The following NOX5 variants were observed in gnomAD, a reference collection of about 807,000 sequenced individuals.
NOX5 encodes the protein NADPH oxidase 5.
In NOX5, 76 loss-of-function variants were observed where a neutral mutation model predicts 85.7. The observed-to-expected ratio is 0.89, with a 90% confidence interval of 0.74 to 1.07. The LOEUF is 1.07. NOX5 is among the 50% of genes least tolerant of loss of function. The pLI, the probability that NOX5 is intolerant of heterozygous loss-of-function variation, is 0.00. For missense variants in NOX5, 973 were observed against 999.5 expected (o/e 0.97, Z 0.36); for synonymous variants, 405 against 401.4 (o/e 1.01, Z -0.11).
At chr15:69,049,756 C>T (rs1031012520) in intron 14 of NOX5, among the ~76,000 whole-genome samples, 1 of 152,164 alleles carries the variant, frequency 6.6e-6, no homozygotes, top group Non-Finnish European at 1.5e-5. Context: ...GAGTCAGGCT[C>T]AGGGATGTAC....
chr15:69,045,571 C>CTT (rs1567105211), intron 10 of NOX5, among the ~76,000 whole-genome samples: 35 of 7,480 alleles, frequency 4.7e-3, no homozygotes, highest in African/African-American at 0.012. Flanking sequence ...TTTCTTTCTT[C>CTT]CCTTTCTTTC....
At position 69,035,282 on chromosome 15, in the gene NOX5, G is replaced by A; in HGVS notation, c.856-72G>A. 3 of 1,517,984 alleles carry A rather than the reference G, an allele frequency of 2.0e-6. No homozygotes were observed. The South Asian group carries it at 3.8e-5, about 19-fold the overall frequency. The allele number at this position is 1,517,984 out of a possible 1,614,324, so 94.0% of individuals were successfully genotyped here. A position where few individuals can be genotyped will look rare whatever the true frequency, so the allele number is the denominator to read the frequency against. ...GCACAGCTAGCTCAGGAGGATGCAG[G>A]GAGGTGGCTGGGAAAAGAGGACAAG... On this transcript the variant is annotated intron_variant, in intron 5 of 15. Coordinates refer to ENST00000388866, the MANE Select transcript of NOX5 (RefSeq NM_024505.4).
At chr15:69,032,881 C>T (rs2050456532) in intron 4 of NOX5, among the ~76,000 whole-genome samples, 162 bp from the exon 5 acceptor site, 1 of 152,158 alleles carries the variant, frequency 6.6e-6, no homozygotes, top group African/African-American at 2.4e-5. Context: ...CGGAGCTGTG[C>T]GACTGTGACC....
In NOX5 at chr15:69,035,918, C is replaced by T. The variant is rs748464912; in HGVS notation, c.1170C>T (p.Arg390=). 30 of 1,614,074 alleles carry T rather than the reference C, an allele frequency of 1.9e-5. No individual in the cohort carries two copies. Among genetic ancestry groups the T allele is most frequent in the Middle Eastern group, 1.6e-4 (1 of 6,084 alleles). Residue 390 remains arginine (R), a synonymous_variant, in exon 7 of 16, where the codon CGC becomes CGT. Coordinates refer to ENST00000388866, the MANE Select transcript of NOX5 (RefSeq NM_024505.4). ...LMFICSSSCI[R]RSGHFEVFYW... ...TCATCTGCTCCAGTTCCTGCATCCG[C>T]AGGAGTGGCCACTTTGAGGTGCCCC...
intron 4 of NOX5, among the ~76,000 whole-genome samples, 174 bp from the exon 5 acceptor site, chr15:69,032,869 C>A (rs2050456314): frequency 1.3e-5 from 2 of 152,178 alleles, no homozygotes; most frequent in African/African-American, 4.8e-5. Flanking sequence ...CTTTCAGCTC[C>A]GCGGAGCTGT....
intron 10 of NOX5, chr15:69,045,888 CA>C (rs2050667492): frequency 6.6e-6 from 1 of 152,242 alleles, no homozygotes; most frequent in Non-Finnish European, 1.5e-5. Flanking sequence ...TGCCCCACAC[CA>C]GGGGGAGCAG....
intron 1 of NOX5, chr15:69,023,014 T>C (rs113678926): frequency 2.0e-6 from 1 of 498,520 alleles, no homozygotes; most frequent in African/African-American, 2.0e-5. Context: ...CAAAGAGGAA[T>C]GTTCCATGGG....
rs531415354 is a variant in NOX5 at position 69,055,361 on chromosome 15, T to G, written c.2027T>G (p.Met676Arg). The change falls in exon 15 of 16, where the codon ATG becomes AGG. Residue 676 changes from methionine to arginine, a missense_variant. Physicochemically the swap from Met to Arg is moderately conservative, Grantham distance 91. Transcript: ENST00000388866. ...YGRFLELHMY[M>R]TSALGKNDMK... The stretch of plus-strand genomic sequence containing the variant: ...CGCTTCCTGGAGCTGCATATGTACA[T>G]GACATCTGCACTGGGCAAGAATGAC... The G allele has an allele frequency of 2.1e-5, 34 of 1,614,188 alleles. No homozygotes were observed. In the Admixed American group the frequency reaches 5.2e-4, roughly 25 times the overall value.
chr15:69,035,736 A>AC, intron 6 of NOX5, 22 bp from the exon 7 acceptor site: 1 of 1,609,744 alleles, frequency 6.2e-7, no homozygotes, highest in South Asian at 1.1e-5. Context: ...CAGTCACTCA[A>AC]CCTTTCTGAG....
intron 14 of NOX5, among the ~76,000 whole-genome samples, chr15:69,050,390 G>T (rs1264228076): frequency 6.6e-6 from 1 of 152,158 alleles, no homozygotes; most frequent in East Asian, 1.9e-4. Flanking sequence ...TGTAATGCAG[G>T]TCTGCTGGTG....
rs1310726062 is a variant in NOX5, at chr15:69,049,044, AG to A, written c.1987del (p.Glu663ArgfsTer14). 1 of 1,611,720 alleles carries A rather than the reference AG, an allele frequency of 6.2e-7. No individual in the cohort carries two copies. The highest frequency in any genetic ancestry group is 8.5e-7 in the Non-Finnish European group (1 of 1,179,172). ...ACTAAACTGGAGATGGACCAGGCCG[AG>A]GAGGCTCAATACGGTAAGAGAGGGA... ...LLTKLEMDQAEEAQYGRFLEL... is the reference protein window; with the variant it reads ...LLTKLEMDQAXEAQYGRFLEL... On this transcript the variant is annotated frameshift_variant, in exon 14 of 16. Transcript: ENST00000388866. LOFTEE classifies it high-confidence loss of function.
Position 69,017,179 on chromosome 15 carries a change from C to T in NOX5, c.50+2394C>T, listed in dbSNP as rs187068477. ...TATTTATTTATTTTCTGAGACAGAG[C>T]CTCACTCTGTCACCCAGGCTGGAGT... On this transcript the variant is annotated intron_variant, in intron 1 of 15. Coordinates refer to ENST00000388866, the MANE Select transcript of NOX5 (RefSeq NM_024505.4). Among the ~76,000 whole-genome samples, 356 of 151,874 alleles carry T rather than the reference C, an allele frequency of 2.3e-3. 4 individuals are homozygous for T. Among genetic ancestry groups the T allele is most frequent in the African/African-American group, 8.4e-3 (349 of 41,388 alleles).
intron 14 of NOX5, among the ~76,000 whole-genome samples, chr15:69,050,530 A>G (rs550062284): frequency 1.3e-5 from 2 of 152,294 alleles, no homozygotes; most frequent in African/African-American, 4.8e-5. Flanking sequence ...AGCTGGGATT[A>G]CAAGCGCCCG....
In NOX5 at chr15:69,049,005, T is replaced by A. The variant is rs779803473; in HGVS notation, c.1946T>A (p.Phe649Tyr). Residue 649 changes from phenylalanine (F) to tyrosine (Y), a missense_variant, in exon 14 of 16, where the codon TTT becomes TAT. Coordinates refer to ENST00000388866, the MANE Select transcript of NOX5 (RefSeq NM_024505.4). ...INRDQRSFEWFVSLLTKLEMD... is the reference protein window; with the variant it reads ...INRDQRSFEWYVSLLTKLEMD... The stretch of plus-strand genomic sequence containing the variant: ...AGAGACCAGCGGTCTTTCGAGTGGT[T>A]TGTGAGCCTGCTGACTAAACTGGAG... 6.2e-7 allele frequency: 1 copy of A among 1,612,866 alleles called. No individual in the cohort carries two copies. Among genetic ancestry groups the A allele is most frequent in the Non-Finnish European group, 8.5e-7 (1 of 1,179,582 alleles).
Position 69,042,644 on chromosome 15 carries a change from C to T in NOX5, c.1505-19C>T, listed in dbSNP as rs2050609606. The T allele has an allele frequency of 6.2e-7, 1 of 1,608,726 alleles. No homozygotes were observed. Among genetic ancestry groups the T allele is most frequent in the Non-Finnish European group, 8.5e-7 (1 of 1,178,164 alleles). On this transcript the variant is annotated intron_variant, in intron 9 of 15. Transcript: ENST00000388866. ...GTCACTATGGACCTCCTTTCCCCTC[C>T]CACTCTTCTCTTTCTCAGACACTAT...
chr15:69,044,152 C>G (rs2050632469), intron 10 of NOX5, among the ~76,000 whole-genome samples: 1 of 151,670 alleles, frequency 6.6e-6, no homozygotes, highest in South Asian at 2.1e-4. Context: ...CCACTGTACT[C>G]CAGCCTGGGC....
At chr15:69,048,926 C>A in intron 13 of NOX5, 33 bp from the exon 14 acceptor site, 1 of 1,550,568 alleles carries the variant, frequency 6.4e-7, no homozygotes, top group Non-Finnish European at 8.8e-7. Context: ...TCAGGGAGAC[C>A]CAGCCTCTGA....
chr15:69,031,552 G>C lies in NOX5; in HGVS notation c.360G>C (p.Glu120Asp). The change falls in exon 4 of 16, where the codon GAG (glutamate) becomes GAC (aspartate). Residue 120 changes from glutamate (E) to aspartate (D), a missense_variant. Coordinates refer to ENST00000388866, the MANE Select transcript of NOX5 (RefSeq NM_024505.4). ...GGCAGGGGGCGTCTGCAGGTACAGA[G>C]TGGGGTGCTGGGGCAGGCCCGCACT... is the stretch of plus-strand genomic sequence containing the variant. ...CARQGASAGT[E>D]WGAGAGPHWA... 13 of 1,611,932 alleles carry C rather than the reference G, an allele frequency of 8.1e-6. No homozygotes were observed. The highest frequency in any genetic ancestry group is 1.1e-5 in the Non-Finnish European group (13 of 1,179,916).
Position 69,028,217 on chromosome 15 carries a change from C to A in NOX5, c.177C>A (p.Ser59=). 1 of 1,600,546 alleles carries A rather than the reference C, an allele frequency of 6.2e-7. No individual in the cohort carries two copies. Among genetic ancestry groups the A allele is most frequent in the Non-Finnish European group, 8.5e-7 (1 of 1,173,482 alleles). The change falls in exon 3 of 16, where the codon TCC becomes TCA. Residue 59 remains serine (S), a splice_region_variant and synonymous_variant. Transcript: ENST00000388866. ...TCTTCCACCCTTCTCGCCCACAGTC[C>A]TTCTTTGCAGAGCGATTCTTTGCCC... ...EFKAALHVKE[S]FFAERFFALF...
Sources: gnomAD v4.1 joint callset for allele counts (sites outside exome capture counted in the v4.1 genomes callset) on GRCh38, gnomAD v4.1.1 for gene constraint, MANE v1.5 for transcripts, NCBI Gene and HGNC (gene_info 2026-07-23, HGNC 2026-07-21) for gene names.